The following RFX4 variants were observed in gnomAD, a reference collection of about 807,000 sequenced individuals.
The protein encoded by RFX4 is regulatory factor X4.
A neutral mutation model predicts 95.0 loss-of-function variants in RFX4; 10 were observed. The ratio of observed to expected loss-of-function variants is 0.11; its 90% CI spans 0.06 to 0.18. The LOEUF (loss-of-function observed/expected upper bound fraction) is 0.18. RFX4 is among the 10% of genes least tolerant of loss of function. RFX4 has a pLI of 1.00. For synonymous variants in RFX4, 321 were observed against 340.7 expected, an observed-to-expected ratio of 0.94 and a Z score of 0.64; for missense variants, 640 against 922.0, an observed-to-expected ratio of 0.69 and a Z score of 3.96.
chr12:106,676,184 T>C (rs2041388986), intron 4 of RFX4, among the ~76,000 whole-genome samples: 1 of 151,922 alleles, frequency 6.6e-6, no homozygotes, highest in Admixed American at 6.6e-5. Context: ...GGTCAGGTAA[T>C]GGGGAAAGGC....
At chr12:106,639,508 A>T in intron 3 of RFX4, 116 bp downstream of exon 3, 1 of 921,468 alleles carries the variant, frequency 1.1e-6, no homozygotes, top group Non-Finnish European at 1.7e-6. Context: ...ACATTCCACA[A>T]CATGAAATCT....
intron 13 of RFX4, among the ~76,000 whole-genome samples, chr12:106,723,573 CT>C (rs1333971689): frequency 2.0e-5 from 3 of 152,178 alleles, no homozygotes; most frequent in Admixed American, 6.5e-5. Flanking sequence ...CACAGTTTCA[CT>C]TTTTTACACA....
At chr12:106,595,589 T>G (rs1565943465) in intron 1 of RFX4, among the ~76,000 whole-genome samples, 1 of 152,236 alleles carries the variant, frequency 6.6e-6, no homozygotes, top group Non-Finnish European at 1.5e-5. Flanking sequence ...GCACCACCAC[T>G]AGGCCAGTAT....
chr12:106,668,819 A>G lies in RFX4; in HGVS notation c.316-13174A>G, dbSNP rs182035471. ...CATGGGAAGTAACATGGGTGGTACA[A>G]TGTGATCACTTAAGACTGTGGAGGG... On this transcript the variant is annotated intron_variant, in intron 4 of 17. Transcript: ENST00000392842. Among the ~76,000 whole-genome samples the G allele has an allele frequency of 3.6e-4, 55 of 152,276 alleles. No individual in the cohort carries two copies. In the East Asian group the frequency reaches 0.01, roughly 29 times the overall value.
At chr12:106,719,905 G>T in intron 11 of RFX4, 55 bp from the exon 12 acceptor site, 1 of 1,352,684 alleles carries the variant, frequency 7.4e-7, no homozygotes, top group Non-Finnish European at 1.1e-6. Context: ...TTAAGACGTA[G>T]CTCTTGTTAA....
chr12:106,714,084 A>AAAAAAAAAAAAAAAAAAAAC, intron 10 of RFX4, among the ~76,000 whole-genome samples: 1 of 150,906 alleles, frequency 6.6e-6, no homozygotes, highest in African/African-American at 2.4e-5. Flanking sequence ...AAAAAAAAAA[A>AAAAAAAAAAAAAAAAAAAAC]AAAAAAAGCA....
At chr12:106,669,563 T>C (rs1034298658) in intron 4 of RFX4, among the ~76,000 whole-genome samples, 6 of 152,036 alleles carry the variant, frequency 3.9e-5, no homozygotes, top group Non-Finnish European at 5.9e-5. Context: ...GGCCCTCTTC[T>C]TCTAGTCCCA....
intron 4 of RFX4, among the ~76,000 whole-genome samples, chr12:106,676,041 T>C (rs1217595195): frequency 6.6e-6 from 1 of 152,100 alleles, no homozygotes; most frequent in East Asian, 1.9e-4. Context: ...TGCAAAACCA[T>C]GGTCCTGGGA....
chr12:106,754,079 A>G (rs1258108566), intron 17 of RFX4, among the ~76,000 whole-genome samples: 1 of 152,224 alleles, frequency 6.6e-6, no homozygotes. Flanking sequence ...AGGAGAACGT[A>G]TCCACAACAC....
chr12:106,631,675 T>C (rs984171153), intron 2 of RFX4, among the ~76,000 whole-genome samples: 4 of 152,228 alleles, frequency 2.6e-5, no homozygotes, highest in Non-Finnish European at 5.9e-5. Context: ...CACTGGTGCC[T>C]TCATCTTGAA....
chr12:106,670,564 C>T (rs1276246879), intron 4 of RFX4, among the ~76,000 whole-genome samples: 1 of 152,200 alleles, frequency 6.6e-6, no homozygotes, highest in Non-Finnish European at 1.5e-5. Context: ...CCACTTCTGT[C>T]TCATTGCCCT....
At chr12:106,618,205 G>C (rs895476150) in intron 2 of RFX4, among the ~76,000 whole-genome samples, 2 of 151,956 alleles carry the variant, frequency 1.3e-5, no homozygotes, top group Non-Finnish European at 2.9e-5. Context: ...TATGTATATA[G>C]ATTATATACA....
chr12:106,707,119 C>T (rs2042099549), intron 8 of RFX4, among the ~76,000 whole-genome samples: 1 of 151,948 alleles, frequency 6.6e-6, no homozygotes, highest in Admixed American at 6.6e-5. Flanking sequence ...GAAGCTGGGT[C>T]ATGGGTGCTT....
chr12:106,634,989 A>G lies in RFX4; in HGVS notation c.131-4343A>G, dbSNP rs534806393. Among the ~76,000 whole-genome samples the G allele has an allele frequency of 2.6e-5, 4 of 152,366 alleles. No homozygotes were observed. In the East Asian group the frequency reaches 7.7e-4, roughly 29 times the overall value. On this transcript the variant is annotated intron_variant, in intron 2 of 17. Coordinates refer to ENST00000392842, the MANE Select transcript of RFX4 (RefSeq NM_213594.3). ...TCTCCCCAGTGCCTAGTTGGCACAA[A>G]TAAGATATTCAATAAATATTTGTTG...
intron 1 of RFX4, among the ~76,000 whole-genome samples, chr12:106,601,680 G>C (rs532486711): frequency 6.6e-6 from 1 of 152,174 alleles, no homozygotes; most frequent in Non-Finnish European, 1.5e-5. Flanking sequence ...TGAACACCAC[G>C]GCTGGCTCCC....
chr12:106,738,468 G>A (rs2042751240), intron 15 of RFX4, among the ~76,000 whole-genome samples: 1 of 152,190 alleles, frequency 6.6e-6, no homozygotes, highest in Admixed American at 6.5e-5. Context: ...TATGGCAGGT[G>A]TGATAGACAA....
At position 106,694,721 on chromosome 12, in the gene RFX4, G is replaced by C. The variant is rs372145275; in HGVS notation, c.670-1562G>C. ...ATGAAAGAACCTAAGCAAAGTACCT[G>C]GCATATAGTAGGTACTCGATAAAGA... On this transcript the variant is annotated intron_variant, in intron 7 of 17. Transcript: ENST00000392842. Among the ~76,000 whole-genome samples the C allele has an allele frequency of 1.3e-4, 20 of 152,238 alleles. No homozygotes were observed. In the East Asian group the frequency reaches 1.9e-3, roughly 15 times the overall value.
At chr12:106,729,401 CT>C (rs1338989501) in intron 13 of RFX4, among the ~76,000 whole-genome samples, 31 of 152,160 alleles carry the variant, frequency 2.0e-4, no homozygotes, top group African/African-American at 7.2e-4. Context: ...ATAATAATAG[CT>C]ACCAATTATT....
intron 5 of RFX4, among the ~76,000 whole-genome samples, chr12:106,684,400 C>CT (rs976389571): frequency 5.9e-5 from 9 of 151,968 alleles, no homozygotes; most frequent in Admixed American, 3.3e-4. Context: ...TATCCCCTGC[C>CT]TTTTTTTAGA....
Sources: allele counts gnomAD v4.1 joint callset (sites outside exome capture counted in the v4.1 genomes callset), GRCh38; gene constraint gnomAD v4.1.1; transcripts MANE v1.5; gene names NCBI Gene and HGNC (gene_info 2026-07-23, HGNC 2026-07-21).